The following ROR1 variants were observed in gnomAD, a reference collection of about 807,000 sequenced individuals.
ROR1 encodes the protein inactive tyrosine-protein kinase transmembrane receptor ROR1.
Under a neutral mutation model 78.8 loss-of-function variants are expected in ROR1, and 19 were observed. The observed-to-expected ratio is 0.24, with a 90% CI of 0.17 to 0.35. ROR1 has a LOEUF of 0.35. Ranked by LOEUF, ROR1 falls within the 10% of genes least tolerant of loss-of-function variation. The probability of loss-of-function intolerance (pLI) is 1.00; values close to 1 mark genes in which losing one functional copy is unlikely to be tolerated. For missense variants in ROR1, 917 were observed against 1,177.8 expected (o/e 0.78, Z 3.24); for synonymous variants, 386 against 433.6 (o/e 0.89, Z 1.36).
chr1:63,905,563 A>C (rs1382819643), intron 1 of ROR1, among the ~76,000 whole-genome samples: 1 of 152,188 alleles, frequency 6.6e-6, no homozygotes, highest in Non-Finnish European at 1.5e-5. Flanking sequence ...GCAGAAACGG[A>C]TGTAGTTTTT....
chr1:64,156,946 T>A (rs149227320), intron 7 of ROR1, among the ~76,000 whole-genome samples: 50 of 152,276 alleles, frequency 3.3e-4, no homozygotes, highest in African/African-American at 1.1e-3. Flanking sequence ...ACTAGCAGCA[T>A]GTCCTTGGGC....
chr1:63,784,677 A>C (rs1031842250), intron 1 of ROR1, among the ~76,000 whole-genome samples: 1 of 152,208 alleles, frequency 6.6e-6, no homozygotes, highest in Non-Finnish European at 1.5e-5. Context: ...AGGTCAGCAA[A>C]CTACGTAACC....
At chr1:64,038,637 C>T (rs531715191) in intron 2 of ROR1, among the ~76,000 whole-genome samples, 2 of 152,272 alleles carry the variant, frequency 1.3e-5, no homozygotes, top group South Asian at 4.1e-4. Flanking sequence ...GGTTCTTTAC[C>T]ACCCTGAACA....
At chr1:63,859,448 AT>A (rs148308466) in intron 1 of ROR1, among the ~76,000 whole-genome samples, 2,879 of 152,306 alleles carry the variant, frequency 0.019, 99 homozygotes, top group African/African-American at 0.066. Context: ...GTACATGTTG[AT>A]TCTAGTGCCC....
In ROR1 at chr1:63,836,912, C is replaced by A. The variant is rs573251225; in HGVS notation, c.91+62404C>A. ...AAAGGCTGACAACCACATAGAGGTA[C>A]CTCTTATAGCGATGAAGTGTGTGTG... On this transcript the variant is annotated intron_variant, in intron 1 of 8. Coordinates refer to ENST00000371079, the MANE Select transcript of ROR1 (RefSeq NM_005012.4). 5.9e-5 allele frequency among the ~76,000 whole-genome samples: 9 copies of A among 152,240 alleles called. No homozygotes were observed. The East Asian group carries it at 1.2e-3, about 20-fold the overall frequency.
At chr1:64,046,237 G>T (rs990454311) in intron 2 of ROR1, among the ~76,000 whole-genome samples, 8 of 152,200 alleles carry the variant, frequency 5.3e-5, no homozygotes, top group Non-Finnish European at 1.0e-4. Flanking sequence ...ACTGCTACTT[G>T]AGTCTAGTGT....
intron 1 of ROR1, among the ~76,000 whole-genome samples, chr1:63,813,572 G>A (rs1454435261): frequency 1.3e-5 from 2 of 152,198 alleles, no homozygotes; most frequent in Non-Finnish European, 1.5e-5. Context: ...CACAGGGCTG[G>A]AACTGAGTAG....
intron 1 of ROR1, among the ~76,000 whole-genome samples, chr1:63,871,521 T>C (rs1645251288): frequency 6.6e-6 from 1 of 152,156 alleles, no homozygotes; most frequent in Non-Finnish European, 1.5e-5. Context: ...GTTTACCAGT[T>C]TGTAGAATGT....
chr1:63,856,128 A>G (rs1645147043), intron 1 of ROR1, among the ~76,000 whole-genome samples: 1 of 151,376 alleles, frequency 6.6e-6, no homozygotes. Flanking sequence ...TGCTTTATGA[A>G]TGCCTGGTAA....
At chr1:64,146,319 T>A (rs1376250618) in intron 7 of ROR1, among the ~76,000 whole-genome samples, 2 of 152,052 alleles carry the variant, frequency 1.3e-5, no homozygotes, top group African/African-American at 4.8e-5. Context: ...CTACCAAAAA[T>A]ACAAAAATTA....
intron 1 of ROR1, among the ~76,000 whole-genome samples, chr1:63,877,034 A>G (rs1645291554): frequency 6.6e-6 from 1 of 152,146 alleles, no homozygotes. Flanking sequence ...CTTTCTTAGA[A>G]AACGAGGGCA....
chr1:63,856,661 C>T (rs539486764), intron 1 of ROR1, among the ~76,000 whole-genome samples: 2 of 152,298 alleles, frequency 1.3e-5, no homozygotes, highest in East Asian at 3.9e-4. Flanking sequence ...TGGAAATTCT[C>T]TCAGGCAGTA....
intron 1 of ROR1, among the ~76,000 whole-genome samples, chr1:64,003,516 A>G (rs552886045): frequency 2.0e-5 from 3 of 152,338 alleles, no homozygotes; most frequent in Non-Finnish European, 4.4e-5. Context: ...CCTTGTAGAC[A>G]TTGAGCATAG....
chr1:64,140,007 G>C, intron 5 of ROR1, 102 bp from the exon 6 acceptor site: 1 of 1,066,782 alleles, frequency 9.4e-7, no homozygotes, highest in Non-Finnish European at 1.4e-6. Flanking sequence ...TCAGCACGGC[G>C]GATTCCTTGC....
rs1446331528 is a variant in ROR1 at position 63,815,478 on chromosome 1, C to CTTTTTTTTTTTTTTTTTTTTTT, written c.91+40975_91+40976insTTTTTTTTTTTTTTTTTTTTTT. On this transcript the variant is annotated intron_variant, in intron 1 of 8. Coordinates refer to ENST00000371079, the MANE Select transcript of ROR1 (RefSeq NM_005012.4). ...TTTTCTTTTTCTTTTCTTTTCTTTT[C>CTTTTTTTTTTTTTTTTTTTTTT]TTTTTCTTTTTTTTTTTTTTTTGAG... is the stretch of plus-strand genomic sequence containing the variant. Among the ~76,000 whole-genome samples, 30 of 103,466 alleles carry CTTTTTTTTTTTTTTTTTTTTTT rather than the reference C, an allele frequency of 2.9e-4. 2 individuals carry two copies. The highest frequency in any genetic ancestry group is 8.9e-4 in the African/African-American group (17 of 19,036). The allele number at this position is 103,466 out of a possible 152,430, so 67.9% of individuals were successfully genotyped here.
chr1:63,977,340 A>G (rs1303553883), intron 1 of ROR1, among the ~76,000 whole-genome samples: 2 of 152,140 alleles, frequency 1.3e-5, no homozygotes, highest in East Asian at 3.9e-4. Flanking sequence ...CTGCATTTTG[A>G]CTGTGACCTA....
chr1:63,935,092 G>T (rs949538494), intron 1 of ROR1, among the ~76,000 whole-genome samples: 2 of 150,786 alleles, frequency 1.3e-5, no homozygotes, highest in Non-Finnish European at 2.9e-5. Flanking sequence ...TAGCCTGTTG[G>T]TTTTTTGTTG....
intron 1 of ROR1, among the ~76,000 whole-genome samples, chr1:63,802,778 T>C (rs889669942): frequency 2.0e-5 from 3 of 152,220 alleles, no homozygotes; most frequent in African/African-American, 4.8e-5. Context: ...TAATCACCTC[T>C]AGCAACCTAC....
At chr1:64,161,159 A>G (rs1649931809) in intron 8 of ROR1, among the ~76,000 whole-genome samples, 1 of 152,210 alleles carries the variant, frequency 6.6e-6, no homozygotes, top group South Asian at 2.1e-4. Flanking sequence ...ATCACACTTA[A>G]TCCTCACAGC....
Sources: gnomAD v4.1 joint callset for allele counts (sites outside exome capture counted in the v4.1 genomes callset) on GRCh38, gnomAD v4.1.1 for gene constraint, MANE v1.5 for transcripts, NCBI Gene and HGNC (gene_info 2026-07-23, HGNC 2026-07-21) for gene names.